TRMT2B: variants seen among roughly 807,000 people sequenced by gnomAD.
The protein encoded by TRMT2B is tRNA methyltransferase 2B.
In TRMT2B, 34 loss-of-function variants were observed where a neutral mutation model predicts 39.7. That is an observed-to-expected ratio of 0.86 (90% CI 0.65 to 1.14). TRMT2B has a LOEUF of 1.14. Ranked by LOEUF, TRMT2B falls within the 50% of genes most tolerant of loss-of-function variation. The pLI is 0.00. For synonymous variants in TRMT2B, 132 were observed against 137.3 expected (o/e 0.96, Z 0.27); for missense variants, 318 against 377.2 (o/e 0.84, Z 1.30).
intron 6 of TRMT2B, among the ~76,000 whole-genome samples, chrX:101,036,267 G>A (rs1417262135): frequency 2.7e-5 from 3 of 109,677 alleles, no homozygotes; most frequent in Non-Finnish European, 3.8e-5. Context: ...CCAACATAGC[G>A]AAACCCCGTC....
chrX:101,042,587 C>T (rs2088308803), intron 2 of TRMT2B, among the ~76,000 whole-genome samples: 1 of 111,864 alleles, frequency 8.9e-6, no homozygotes, highest in Non-Finnish European at 1.9e-5. Flanking sequence ...TTCCCTATTC[C>T]ACCTTCCTAA....
chrX:101,024,358 C>T (rs1380929870), intron 7 of TRMT2B, among the ~76,000 whole-genome samples: 4 of 111,614 alleles, frequency 3.6e-5, no homozygotes, highest in African/African-American at 6.5e-5. Flanking sequence ...CTCAGTCTGC[C>T]GTATTTTGTA....
At chrX:101,048,109 C>CATAT (rs1438344741) in intron 2 of TRMT2B, among the ~76,000 whole-genome samples, 1 of 57,899 alleles carries the variant, frequency 1.7e-5, no homozygotes, top group Non-Finnish European at 3.0e-5. Flanking sequence ...TACATTTATA[C>CATAT]ACATACACAC....
chrX:100,980,897 A>G, the TRMT2B span, among the ~76,000 whole-genome samples: 1 of 111,746 alleles, frequency 8.9e-6, no homozygotes, highest in Admixed American at 9.5e-5. Context: ...TCGGGGAGCC[A>G]TGGCCTGAAA....
At chrX:101,046,172 A>G (rs1170282317) in intron 2 of TRMT2B, among the ~76,000 whole-genome samples, 1 of 108,053 alleles carries the variant, frequency 9.3e-6, no homozygotes, top group Non-Finnish European at 1.9e-5. Flanking sequence ...AAAATCAATC[A>G]ATCAATCAAA....
In TRMT2B at chrX:101,051,481, C is replaced by T. The variant is rs1054015855; in HGVS notation, c.-254G>A. The T allele has an allele frequency of 1.2e-5, 9 of 753,048 alleles. No homozygotes were observed. Among genetic ancestry groups the T allele is most frequent in the Non-Finnish European group, 1.4e-5 (9 of 639,220 alleles). The allele number at this position is 753,048 out of a possible 1,213,427, so 62.1% of individuals were successfully genotyped here. A position where few individuals can be genotyped will look rare whatever the true frequency, so the allele number is the denominator to read the frequency against. The stretch of plus-strand genomic sequence containing the variant: ...CCACTAGCCCTTCCATTCCCTTCTT[C>T]TTTAGGCAAGTTCTGCCCACTGTGT... On this transcript the variant is annotated 5_prime_UTR_variant, in exon 2 of 14. Transcript: ENST00000372936.
At chrX:100,990,862 C>T in the TRMT2B span, 1 of 265,914 alleles carries the variant, frequency 3.8e-6, no homozygotes, top group African/African-American at 2.8e-5. Flanking sequence ...TTCAGTCATA[C>T]CTCCATAAAC....
At chrX:100,990,953 G>A in the TRMT2B span, 1 of 145,729 alleles carries the variant, frequency 6.9e-6, no homozygotes, top group African/African-American at 3.2e-5. Flanking sequence ...AGCAACTGCT[G>A]CCTCTACCAA....
chrX:101,039,238 T>C (rs957541317), intron 4 of TRMT2B, among the ~76,000 whole-genome samples: 9 of 109,523 alleles, frequency 8.2e-5, no homozygotes, highest in African/African-American at 3.0e-4. Flanking sequence ...CCTGGCTAAT[T>C]TTTTTGTATT....
the TRMT2B span, chrX:100,986,938 G>A: frequency 7.0e-6 from 7 of 997,681 alleles, no homozygotes; most frequent in Non-Finnish European, 9.7e-6. Context: ...TTCCTCTGGA[G>A]CCCAGCTGAT....
At chrX:100,984,174 C>T in the TRMT2B span, among the ~76,000 whole-genome samples, 3 of 107,092 alleles carry the variant, frequency 2.8e-5, no homozygotes, top group Non-Finnish European at 3.9e-5. Context: ...AGTGCAGTGG[C>T]GTAATCTCAG....
chrX:101,030,288 G>A (rs1434835443), intron 7 of TRMT2B, among the ~76,000 whole-genome samples: 1 of 109,548 alleles, frequency 9.1e-6, no homozygotes, highest in Non-Finnish European at 1.9e-5. Flanking sequence ...ACAAAAACTG[G>A]CAAATGTCTT....
the TRMT2B span, chrX:100,985,990 G>A: frequency 9.0e-7 from 1 of 1,111,963 alleles, no homozygotes; most frequent in East Asian, 3.1e-5. Context: ...GAAGGGTGGG[G>A]TGGTCCCTTT....
chrX:101,003,505 C>G, the TRMT2B span, among the ~76,000 whole-genome samples: 3 of 110,423 alleles, frequency 2.7e-5, no homozygotes, highest in African/African-American at 6.6e-5. Context: ...TGTGCCACCA[C>G]GCCCAGCTAA....
chrX:100,995,308 T>C, the TRMT2B span, among the ~76,000 whole-genome samples: 1 of 112,308 alleles, frequency 8.9e-6, no homozygotes, highest in Non-Finnish European at 1.9e-5. Flanking sequence ...CCCTGATCTG[T>C]ACCTTATTCC....
At chrX:101,001,348 G>A in the TRMT2B span, among the ~76,000 whole-genome samples, 2 of 110,308 alleles carry the variant, frequency 1.8e-5, no homozygotes, top group Non-Finnish European at 3.8e-5. Context: ...TAATCCTCCC[G>A]CCTCATCCTC....
At chrX:100,973,796 C>A in the TRMT2B span, 1 of 1,107,868 alleles carries the variant, frequency 9.0e-7, no homozygotes, top group Non-Finnish European at 1.2e-6. Context: ...TTTCCTCCCA[C>A]AAATCTGCCC....
the TRMT2B span, chrX:100,988,187 C>T: frequency 1.7e-6 from 2 of 1,201,442 alleles, no homozygotes; most frequent in South Asian, 1.8e-5. Flanking sequence ...TTCCATCTTC[C>T]ACCAGCTTCT....
intron 5 of TRMT2B, 40 bp from the exon 6 acceptor site, chrX:101,037,113 A>T (rs374770796): frequency 2.0e-6 from 2 of 993,798 alleles, no homozygotes; most frequent in Non-Finnish European, 2.9e-6. Context: ...TGAGAGGTCA[A>T]ATGAAACCAA....
Sources: gnomAD v4.1 joint callset for allele counts (sites outside exome capture counted in the v4.1 genomes callset) on GRCh38, gnomAD v4.1.1 for gene constraint, MANE v1.5 for transcripts, NCBI Gene and HGNC (gene_info 2026-07-23, HGNC 2026-07-21) for gene names.